The following PAK1 variants were observed in gnomAD, a reference collection of about 807,000 sequenced individuals.
PAK1 encodes the protein serine/threonine-protein kinase PAK 1.
In PAK1, 29 loss-of-function variants were observed where a neutral mutation model predicts 67.4. The ratio of observed to expected loss-of-function variants is 0.43; its 90% CI spans 0.32 to 0.59. PAK1 has a LOEUF of 0.59. Among genes scored for constraint, PAK1 ranks in the 20% least tolerant of loss-of-function variants. The pLI is 0.07. For synonymous variants in PAK1, 223 were observed against 237.4 expected, an observed-to-expected ratio of 0.94 and a Z score of 0.56; for missense variants, 337 against 670.7, an observed-to-expected ratio of 0.50 and a Z score of 5.50.
intron 6 of PAK1, 147 bp downstream of exon 6, chr11:77,358,751 T>C: frequency 2.7e-6 from 2 of 753,434 alleles, no homozygotes; most frequent in South Asian, 3.5e-5. Context: ...GAAAGTACCT[T>C]TAGTCAAGGT....
At chr11:77,341,195 A>C (rs945039701) in intron 10 of PAK1, among the ~76,000 whole-genome samples, 4 of 152,184 alleles carry the variant, frequency 2.6e-5, no homozygotes, top group African/African-American at 9.6e-5. Context: ...AGAGAGTCCT[A>C]CCAGATCTGA....
the PAK1 span, among the ~76,000 whole-genome samples, chr11:77,517,442 G>A: frequency 1.3e-5 from 2 of 152,186 alleles, no homozygotes; most frequent in African/African-American, 4.8e-5. Context: ...TTCTATTATA[G>A]GGATGAAGGG....
intron 11 of PAK1, among the ~76,000 whole-genome samples, chr11:77,339,965 G>A (rs1943336880): frequency 6.6e-6 from 1 of 152,028 alleles, no homozygotes; most frequent in Non-Finnish European, 1.5e-5. Flanking sequence ...TGCTCTAATG[G>A]AAATGAAATG....
intron 1 of PAK1, among the ~76,000 whole-genome samples, chr11:77,431,153 T>A (rs1385285672): frequency 6.6e-6 from 1 of 152,208 alleles, no homozygotes; most frequent in Non-Finnish European, 1.5e-5. Context: ...ACCACTGATT[T>A]ATTTAGTGCA....
At chr11:77,376,330 A>G (rs1382711482) in intron 4 of PAK1, among the ~76,000 whole-genome samples, 2 of 152,218 alleles carry the variant, frequency 1.3e-5, no homozygotes, top group African/African-American at 4.8e-5. Context: ...AGGTGCAGAA[A>G]AGGAAAAAGA....
chr11:77,522,158 A>G, the PAK1 span, among the ~76,000 whole-genome samples: 2 of 152,250 alleles, frequency 1.3e-5, 1 homozygote, highest in Non-Finnish European at 2.9e-5. Flanking sequence ...CTGTTCCACA[A>G]GGAATCTCAG....
chr11:77,427,704 G>GAT (rs1955624065), intron 1 of PAK1, among the ~76,000 whole-genome samples: 1 of 152,160 alleles, frequency 6.6e-6, no homozygotes, highest in East Asian at 1.9e-4. Context: ...AGAGGCAACA[G>GAT]ATATGTAAAC....
At chr11:77,499,029 AT>A in the PAK1 span, among the ~76,000 whole-genome samples, 34 of 151,728 alleles carry the variant, frequency 2.2e-4, no homozygotes, top group African/African-American at 6.8e-4. Context: ...ACTGCAAGAA[AT>A]TTTTTTTATA....
chr11:77,410,153 A>G (rs2853095), intron 1 of PAK1, among the ~76,000 whole-genome samples: 10,380 of 151,968 alleles, frequency 0.068, 803 homozygotes, highest in East Asian at 0.24. Context: ...CCTCCAGATC[A>G]GCACTATCTC....
At position 77,368,382 on chromosome 11, in the gene PAK1, G is replaced by A. The variant is rs182121693; in HGVS notation, c.477+5946C>T. On this transcript the variant is annotated intron_variant, in intron 5 of 14. Coordinates refer to ENST00000356341, the MANE Select transcript of PAK1 (RefSeq NM_002576.5). Reference sequence around the variant, plus strand: ...TAAGCAGCTGAAGTATTAATTAAACGTGAGGGTAGCATAGAGAACGCCCCA... The same window carrying A: ...TAAGCAGCTGAAGTATTAATTAAACATGAGGGTAGCATAGAGAACGCCCCA... 2.2e-4 allele frequency among the ~76,000 whole-genome samples: 33 copies of A among 152,322 alleles called. No homozygotes were observed. In the East Asian group the frequency reaches 5.4e-3, roughly 25 times the overall value.
chr11:77,386,220 T>TA (rs1592147312), intron 2 of PAK1, among the ~76,000 whole-genome samples: 3 of 152,122 alleles, frequency 2.0e-5, no homozygotes, highest in Non-Finnish European at 4.4e-5. Context: ...TGGCCTTTTT[T>TA]AAAAAAATGA....
rs1418897470 is a variant in PAK1 at position 77,425,792 on chromosome 11, T to C, written c.-21-33251A>G. On this transcript the variant is annotated intron_variant, in intron 1 of 14. Transcript: ENST00000356341. Reference sequence around the variant, plus strand: ...AGAAACTGAGTTGACTTTCCCAAATTATCCTAGCTAAAACTACAAAATCAA... The same window carrying C: ...AGAAACTGAGTTGACTTTCCCAAATCATCCTAGCTAAAACTACAAAATCAA... Among the ~76,000 whole-genome samples the C allele has an allele frequency of 3.2e-4, 48 of 152,148 alleles. 2 individuals carry two copies. The highest frequency in any genetic ancestry group is 3.1e-3 in the Admixed American group (47 of 15,270).
At chr11:77,397,063 G>A (rs1416824814) in intron 1 of PAK1, 2 of 152,204 alleles carry the variant, frequency 1.3e-5, no homozygotes, top group Non-Finnish European at 2.9e-5. Context: ...CCAAAAGTTT[G>A]GAAGGATGAA....
chr11:77,521,397 C>T, the PAK1 span, among the ~76,000 whole-genome samples: 3 of 152,158 alleles, frequency 2.0e-5, no homozygotes, highest in Middle Eastern at 3.4e-3. Flanking sequence ...GGCATGGTGG[C>T]GCATGCCTGT....
the PAK1 span, among the ~76,000 whole-genome samples, chr11:77,489,864 C>T: frequency 2.6e-5 from 4 of 152,298 alleles, no homozygotes; most frequent in African/African-American, 9.6e-5. Flanking sequence ...CTCTGCCCGG[C>T]CACCACCCCG....
chr11:77,391,582 C>A (rs1412371400), intron 2 of PAK1, among the ~76,000 whole-genome samples: 1 of 152,202 alleles, frequency 6.6e-6, no homozygotes, highest in Non-Finnish European at 1.5e-5. Context: ...TTCAGAGCAA[C>A]AGCCACTTAA....
chr11:77,358,500 C>A (rs1166033403), intron 6 of PAK1, among the ~76,000 whole-genome samples: 2 of 152,108 alleles, frequency 1.3e-5, no homozygotes, highest in African/African-American at 2.4e-5. Context: ...CTCTAAGAGG[C>A]TGAACACTGC....
chr11:77,422,732 C>G (rs689108), intron 1 of PAK1, among the ~76,000 whole-genome samples: 36,766 of 152,042 alleles, frequency 0.24, 5,063 homozygotes, highest in Non-Finnish European at 0.31. Context: ...TGACAAAGTT[C>G]TAGTCAGTAA....
At chr11:77,400,537 C>A (rs192658204) in intron 1 of PAK1, among the ~76,000 whole-genome samples, 1 of 152,280 alleles carries the variant, frequency 6.6e-6, no homozygotes, top group East Asian at 1.9e-4. Context: ...TGAGTTCATA[C>A]AATGGGATTA....
Sources: gnomAD v4.1 joint callset for allele counts (sites outside exome capture counted in the v4.1 genomes callset) on GRCh38, gnomAD v4.1.1 for gene constraint, MANE v1.5 for transcripts, NCBI Gene and HGNC (gene_info 2026-07-23, HGNC 2026-07-21) for gene names.